The following SP140L variants were observed in gnomAD, a reference collection of about 807,000 sequenced individuals.
The protein encoded by SP140L is SP140 like nuclear body protein.
Under a neutral mutation model 84.3 loss-of-function variants are expected in SP140L, and 64 were observed. The observed-to-expected ratio is 0.76, with a 90% CI of 0.62 to 0.94. SP140L has a LOEUF of 0.94. SP140L is among the 40% of genes least tolerant of loss of function. The pLI is 0.00. For missense variants in SP140L, 628 were observed against 692.5 expected, an observed-to-expected ratio of 0.91 and a Z score of 1.05; for synonymous variants, 242 against 236.9, an observed-to-expected ratio of 1.02 and a Z score of -0.20.
intron 14 of SP140L, among the ~76,000 whole-genome samples, chr2:230,397,520 C>G (rs2062105238): frequency 6.6e-6 from 1 of 152,168 alleles, no homozygotes; most frequent in African/African-American, 2.4e-5. Flanking sequence ...TCTCTGCTTG[C>G]TATATGACTG....
chr2:230,328,596 G>T (rs571703483), intron 1 of SP140L, among the ~76,000 whole-genome samples, 161 bp from the exon 2 acceptor site: 48 of 152,170 alleles, frequency 3.2e-4, no homozygotes, highest in Admixed American at 2.9e-3. Context: ...GTTTTAAATT[G>T]TTCACGTTTA....
intron 9 of SP140L, 51 bp downstream of exon 9, chr2:230,385,355 TG>T: frequency 6.4e-7 from 1 of 1,564,758 alleles, no homozygotes; most frequent in Non-Finnish European, 8.8e-7. Context: ...TCAATGCACA[TG>T]TTGAGGTTTT....
intron 12 of SP140L, among the ~76,000 whole-genome samples, chr2:230,392,715 TC>T: frequency 7.2e-6 from 1 of 139,804 alleles, no homozygotes; most frequent in East Asian, 1.9e-4. Context: ...GTAATTCAAA[TC>T]TGTAATTGAT....
intron 2 of SP140L, among the ~76,000 whole-genome samples, chr2:230,346,209 T>C (rs746661958): frequency 1.3e-5 from 2 of 152,162 alleles, no homozygotes; most frequent in Non-Finnish European, 2.9e-5. Context: ...CACCCTAATC[T>C]CTCCTGGGCT....
rs2060741097 is a variant in SP140L at position 230,362,208 on chromosome 2, T to C, written c.523+511T>C. On this transcript the variant is annotated intron_variant, in intron 5 of 18. Transcript: ENST00000415673. Reference sequence around the variant, plus strand: ...ATTGTGTACCCCATCCTTAAGGGCTTTCCAAAAGTCACCTTATTAACATAA... The same window carrying C: ...ATTGTGTACCCCATCCTTAAGGGCTCTCCAAAAGTCACCTTATTAACATAA... Among the ~76,000 whole-genome samples, 4 of 152,216 alleles carry C rather than the reference T, an allele frequency of 2.6e-5. No homozygotes were observed. In the South Asian group the frequency reaches 8.3e-4, roughly 32 times the overall value.
At chr2:230,383,678 ACTT>A in intron 8 of SP140L, 103 bp downstream of exon 8, 1 of 1,121,288 alleles carries the variant, frequency 8.9e-7, no homozygotes, top group Non-Finnish European at 1.3e-6. Context: ...AGAGTTCTGT[ACTT>A]CCTGTATCCG....
chr2:230,333,954 T>C (rs1370121633), intron 2 of SP140L, among the ~76,000 whole-genome samples: 1 of 152,202 alleles, frequency 6.6e-6, no homozygotes, highest in Non-Finnish European at 1.5e-5. Flanking sequence ...ATATTTTCTC[T>C]CTCCTAATGA....
At chr2:230,362,192 C>G (rs1232926522) in intron 5 of SP140L, among the ~76,000 whole-genome samples, 1 of 152,122 alleles carries the variant, frequency 6.6e-6, no homozygotes, top group African/African-American at 2.4e-5. Context: ...AATTGTGTAC[C>G]CCATCCTTAA....
At chr2:230,367,268 C>CT (rs375921195) in intron 5 of SP140L, among the ~76,000 whole-genome samples, 2 of 146,014 alleles carry the variant, frequency 1.4e-5, no homozygotes, top group Admixed American at 6.9e-5. Flanking sequence ...CTTTTCTTTT[C>CT]TTTTTTTTCC....
chr2:230,332,502 C>T (rs2059753512), intron 2 of SP140L, among the ~76,000 whole-genome samples: 1 of 152,222 alleles, frequency 6.6e-6, no homozygotes. Flanking sequence ...CCCTAACACT[C>T]CTTTTCATTC....
intron 12 of SP140L, 31 bp from the exon 13 acceptor site, chr2:230,393,383 G>T: frequency 6.4e-7 from 1 of 1,569,876 alleles, no homozygotes; most frequent in South Asian, 1.2e-5. Context: ...AACGCAGGCT[G>T]ACTATGTACC....
chr2:230,369,804 C>G (rs2060996734), intron 5 of SP140L, among the ~76,000 whole-genome samples: 1 of 152,248 alleles, frequency 6.6e-6, no homozygotes, highest in African/African-American at 2.4e-5. Flanking sequence ...GTCTCTCTCT[C>G]TGTCACCCAG....
Position 230,385,207 on chromosome 2 carries a change from C to G in SP140L, c.704-17C>G, listed in dbSNP as rs1166116626. On this transcript the variant is annotated splice_polypyrimidine_tract_variant and intron_variant, in intron 8 of 18. Transcript: ENST00000415673. ...CTGCCCAGTTCTATTAATACATTTTCCCTTGCCTATCCCCAGATAACAGCA... is the reference window on the plus strand; with the variant it reads ...CTGCCCAGTTCTATTAATACATTTTGCCTTGCCTATCCCCAGATAACAGCA... 1 of 1,612,768 alleles carries G rather than the reference C, an allele frequency of 6.2e-7. No individual in the cohort carries two copies. Among genetic ancestry groups the G allele is most frequent in the South Asian group, 1.1e-5 (1 of 91,002 alleles).
At chr2:230,358,105 G>C in intron 3 of SP140L, 138 bp downstream of exon 3, 1 of 969,836 alleles carries the variant, frequency 1.0e-6, no homozygotes, top group Non-Finnish European at 1.5e-6. Flanking sequence ...CTGAGGAAAT[G>C]GTGTTCCATG....
chr2:230,372,010 C>T (rs548123752), intron 7 of SP140L: 55 of 229,882 alleles, frequency 2.4e-4, no homozygotes, highest in Non-Finnish European at 4.0e-4. Flanking sequence ...TGTAATGTTG[C>T]AGGCTTTGAA....
At chr2:230,356,444 G>A (rs1192158264) in intron 2 of SP140L, among the ~76,000 whole-genome samples, 1 of 152,116 alleles carries the variant, frequency 6.6e-6, no homozygotes, top group Non-Finnish European at 1.5e-5. Context: ...GTTCAACACA[G>A]CAACATAGAT....
At chr2:230,381,072 G>A (rs1039801937) in intron 7 of SP140L, among the ~76,000 whole-genome samples, 1 of 152,094 alleles carries the variant, frequency 6.6e-6, no homozygotes, top group African/African-American at 2.4e-5. Context: ...AAGCCCAGGT[G>A]GATGGTGCAC....
chr2:230,391,340 T>C (rs1326616107), intron 11 of SP140L, among the ~76,000 whole-genome samples: 2 of 152,194 alleles, frequency 1.3e-5, no homozygotes, highest in Non-Finnish European at 2.9e-5. Flanking sequence ...CCACCAGAAA[T>C]GTATGAAGGC....
intron 2 of SP140L, among the ~76,000 whole-genome samples, chr2:230,329,750 T>C (rs530051820): frequency 1.2e-4 from 19 of 152,332 alleles, no homozygotes; most frequent in African/African-American, 3.4e-4. Flanking sequence ...ACCTCTTTCG[T>C]TTATAAATTA....
Sources: allele counts gnomAD v4.1 joint callset (sites outside exome capture counted in the v4.1 genomes callset), GRCh38; gene constraint gnomAD v4.1.1; transcripts MANE v1.5; gene names NCBI Gene and HGNC (gene_info 2026-07-23, HGNC 2026-07-21).